BCL2L12: variants seen among roughly 807,000 people sequenced by gnomAD.
The protein encoded by BCL2L12 is bcl-2-like protein 12.
A neutral mutation model predicts 25.7 loss-of-function variants in BCL2L12; 27 were observed. The ratio of observed to expected loss-of-function variants is 1.05; its 90% CI spans 0.78 to 1.45. The LOEUF is 1.45. Among genes scored for constraint, BCL2L12 ranks in the 40% most tolerant of loss-of-function variants. The pLI, the probability that BCL2L12 is intolerant of heterozygous loss-of-function variation, is 0.00. For synonymous variants in BCL2L12, 132 were observed against 145.6 expected (o/e 0.91, Z 0.67); for missense variants, 302 against 329.8 (o/e 0.92, Z 0.65).
rs773270468 is a variant in BCL2L12, at chr19:49,673,704, A to G, written c.709A>G (p.Ile237Val). 68 of 1,613,978 alleles carry G rather than the reference A, an allele frequency of 4.2e-5. No homozygotes were observed. The highest frequency in any genetic ancestry group is 5.8e-5 in the Non-Finnish European group (68 of 1,179,904). The change falls in exon 7 of 7, where the codon ATC becomes GTC. Residue 237 changes from isoleucine (I) to valine (V), a missense_variant. Coordinates refer to ENST00000246784, the MANE Select transcript of BCL2L12 (RefSeq NM_138639.2). ...TGCCACTTTTCCCTTCCAGGAGGGC[A>G]TCCTGGCTGTTTCACCCGTGGACTT... ...WIQAHGGWEG[I>V]LAVSPVDLNL...
chr19:49,666,623 T>C, intron 1 of BCL2L12, 62 bp from the exon 2 acceptor site: 1 of 1,309,492 alleles, frequency 7.6e-7, no homozygotes, highest in South Asian at 1.4e-5. Flanking sequence ...CAAGTCCTGG[T>C]CCCCAAGCCT....
intron 6 of BCL2L12, 125 bp from the exon 7 acceptor site, chr19:49,673,573 T>G: frequency 1.3e-6 from 1 of 785,118 alleles, no homozygotes; most frequent in South Asian, 1.5e-5. Context: ...TGTCTGGGTG[T>G]CTGTCACCCT....
At chr19:49,665,724 TC>T, upstream of BCL2L12, 2 of 1,461,162 alleles carry the variant, frequency 1.4e-6, no homozygotes, top group South Asian at 1.4e-5. Context: ...GCACCCCCTT[TC>T]CCGTCAGCTG....
chr19:49,670,555 G>A (rs981674742), intron 6 of BCL2L12, 67 bp downstream of exon 6: 25 of 1,505,368 alleles, frequency 1.7e-5, no homozygotes, highest in South Asian at 1.3e-5. Flanking sequence ...GAGGAGGGGC[G>A]GGGACTTCTT....
In BCL2L12 at chr19:49,670,217, T is replaced by A; in HGVS notation, c.431T>A (p.Leu144Gln). Residue 144 changes from leucine (L) to glutamine (Q), a missense_variant and splice_region_variant, in exon 6 of 7, where the codon CTG becomes CAG. By Grantham distance (113) the Leu-to-Gln change is moderately radical (BLOSUM62 -2). Transcript: ENST00000246784. ...GACCCTGCCTCTTCCACCCTACAGC[T>A]GGCCTCGGACCCCGCCCTGCGCAGC... ...EEEAEVINQK[L>Q]ASDPALRSKL... 1.2e-6 allele frequency: 2 copies of A among 1,604,020 alleles called. No homozygotes were observed. Among genetic ancestry groups the A allele is most frequent in the South Asian group, 1.1e-5 (1 of 90,826 alleles).
intron 5 of BCL2L12, 178 bp downstream of exon 5, chr19:49,669,293 T>G: frequency 7.8e-7 from 1 of 1,278,768 alleles, no homozygotes; most frequent in Non-Finnish European, 1.0e-6. Context: ...CCCAGCACTT[T>G]GGGAGGCCGA....
chr19:49,670,511 T>C (rs1333174690), intron 6 of BCL2L12, 23 bp downstream of exon 6: 11 of 1,534,216 alleles, frequency 7.2e-6, no homozygotes, highest in Middle Eastern at 4.6e-4. Flanking sequence ...AGCCTCTCTC[T>C]CCGGGCCTCA....
chr19:49,667,021 G>T lies in BCL2L12; in HGVS notation c.110G>T (p.Ser37Ile), dbSNP rs1177883682. 1 of 1,613,284 alleles carries T rather than the reference G, an allele frequency of 6.2e-7. No individual in the cohort carries two copies. The highest frequency in any genetic ancestry group is 8.5e-7 in the Non-Finnish European group (1 of 1,179,782). ...GTCTCTGAAGTCCTCCTCTCCAGAAGCCCTGCCCAAGAAGAGCCAACAGAC... is the reference window on the plus strand; with the variant it reads ...GTCTCTGAAGTCCTCCTCTCCAGAATCCCTGCCCAAGAAGAGCCAACAGAC... ...AGSPVPTPPR[S>I]PAQEEPTDFL... Residue 37 changes from serine to isoleucine, a missense_variant and splice_region_variant, in exon 3 of 7, where the codon AGC becomes ATC. Ser to Ile is a moderately radical substitution (Grantham distance 142, BLOSUM62 -2). Coordinates refer to ENST00000246784, the MANE Select transcript of BCL2L12 (RefSeq NM_138639.2).
upstream of BCL2L12, chr19:49,665,738 C>T: frequency 6.6e-7 from 1 of 1,504,564 alleles, no homozygotes; most frequent in Non-Finnish European, 8.9e-7. Flanking sequence ...GTCAGCTGAG[C>T]TCTAGAGCGC....
chr19:49,669,722 T>G (rs1599917550), intron 5 of BCL2L12, among the ~76,000 whole-genome samples: 2 of 147,388 alleles, frequency 1.4e-5, no homozygotes, highest in East Asian at 2.0e-4. Flanking sequence ...AATGTGGGGG[T>G]GGGGGGAGTG....
chr19:49,668,139 A>AGGCTGGAG (rs1222456319), intron 3 of BCL2L12, among the ~76,000 whole-genome samples: 1 of 128,816 alleles, frequency 7.8e-6, no homozygotes, highest in Non-Finnish European at 1.6e-5. Context: ...CTTGTTGCCC[A>AGGCTGGAG]GGCTGGAGTG....
At chr19:49,667,304 A>G (rs1289422287) in intron 3 of BCL2L12, 143 bp downstream of exon 3, 10 of 1,218,350 alleles carry the variant, frequency 8.2e-6, no homozygotes, top group South Asian at 1.6e-5. Flanking sequence ...TCCCCTCCCC[A>G]GTTAGATTTC....
Position 49,672,891 on chromosome 19 carries a change from G to C in BCL2L12, c.703-807G>C, listed in dbSNP as rs991183525. Among the ~76,000 whole-genome samples, 1 of 152,110 alleles carries C rather than the reference G, an allele frequency of 6.6e-6. No homozygotes were observed. Among genetic ancestry groups the C allele is most frequent in the Admixed American group, 6.6e-5 (1 of 15,264 alleles). ...TTTATTTTATTTTAATTTTTCAGAT[G>C]GAGTCTCACTCTATTGCCCAGACTG... On this transcript the variant is annotated intron_variant, in intron 6 of 6. Coordinates refer to ENST00000246784, the MANE Select transcript of BCL2L12 (RefSeq NM_138639.2). The surrounding 1 kb of genome is among the most constrained non-coding windows in gnomAD (Gnocchi z 4.1).
Position 49,668,853 on chromosome 19 carries a change from C to T in BCL2L12, c.253C>T (p.Pro85Ser). 1 of 1,612,392 alleles carries T rather than the reference C, an allele frequency of 6.2e-7. No homozygotes were observed. Among genetic ancestry groups the T allele is most frequent in the Non-Finnish European group, 8.5e-7 (1 of 1,179,770 alleles). ...GTCATTAACTCTTTTCACCCCAGGC[C>T]CAGCTACTCCAGACTTCTATGCTTT... ...IRPCYGLEPG[P>S]ATPDFYALVA... The change falls in exon 4 of 7, where the codon CCA becomes TCA. Residue 85 changes from proline to serine, a missense_variant and splice_region_variant. Transcript: ENST00000246784.
rs1371294911 is a variant in BCL2L12 at position 49,668,836 on chromosome 19, C to T, written c.251-15C>T. ...CAATGTCCTGGAAACCTGTCATTAA[C>T]TCTTTTCACCCCAGGCCCAGCTACT... On this transcript the variant is annotated splice_polypyrimidine_tract_variant and intron_variant, in intron 3 of 6. Coordinates refer to ENST00000246784, the MANE Select transcript of BCL2L12 (RefSeq NM_138639.2). The T allele has an allele frequency of 4.4e-6, 7 of 1,609,024 alleles. No individual in the cohort carries two copies. Among genetic ancestry groups the T allele is most frequent in the African/African-American group, 4.0e-5 (3 of 74,786 alleles).
intron 6 of BCL2L12, among the ~76,000 whole-genome samples, chr19:49,671,350 G>A (rs2081958179): frequency 6.6e-6 from 1 of 151,978 alleles, no homozygotes. Context: ...GGAGGCTGAG[G>A]CAAGAGAATT....
chr19:49,673,694 C>T lies in BCL2L12; in HGVS notation c.703-4C>T, dbSNP rs77126515. On this transcript the variant is annotated splice_polypyrimidine_tract_variant and splice_region_variant and intron_variant, in intron 6 of 6. Coordinates refer to ENST00000246784, the MANE Select transcript of BCL2L12 (RefSeq NM_138639.2). ...CACAGGGCTCTGCCACTTTTCCCTTCCAGGAGGGCATCCTGGCTGTTTCAC... is the reference window on the plus strand; with the variant it reads ...CACAGGGCTCTGCCACTTTTCCCTTTCAGGAGGGCATCCTGGCTGTTTCAC... The T allele has an allele frequency of 2.3e-3, 3,683 of 1,613,822 alleles. 67 individuals carry two copies. The African/African-American group carries it at 0.043, about 19-fold the overall frequency.
Position 49,666,792 on chromosome 19 carries a change from C to A in BCL2L12, c.100C>A (p.Pro34Thr). ...GGCTGCCGGGTCTCCTGTTCCAACT[C>A]CACCTAGGTAAGAGGAGTGGCCCTT... ...GEAAGSPVPT[P>T]PRSPAQEEPT... Residue 34 changes from proline to threonine, a missense_variant, in exon 2 of 7, where the codon CCA becomes ACA. Pro to Thr is a conservative substitution (Grantham distance 38). Transcript: ENST00000246784. 1 of 1,557,526 alleles carries A rather than the reference C, an allele frequency of 6.4e-7. No homozygotes were observed. Among genetic ancestry groups the A allele is most frequent in the Non-Finnish European group, 8.7e-7 (1 of 1,149,924 alleles).
rs1375781089 is a variant in BCL2L12 at position 49,666,751 on chromosome 19, T to G, written c.59T>G (p.Phe20Cys). 6.4e-7 allele frequency: 1 copy of G among 1,560,344 alleles called. No homozygotes were observed. The change falls in exon 2 of 7, where the codon TTC becomes TGC. Residue 20 changes from phenylalanine to cysteine, a missense_variant. By Grantham distance (205) the Phe-to-Cys change is radical. Coordinates refer to ENST00000246784, the MANE Select transcript of BCL2L12 (RefSeq NM_138639.2). ...GACACGCTGAGGGTCCTAGCTGCCT[T>G]CCTTAGGCGTGGTGAGGCTGCCGGG... ...REDTLRVLAAFLRRGEAAGSP... is the reference protein window; with the variant it reads ...REDTLRVLAACLRRGEAAGSP...
Sources: gnomAD v4.1 joint callset for allele counts (sites outside exome capture counted in the v4.1 genomes callset) on GRCh38, gnomAD v4.1.1 for gene constraint, Gnocchi (gnomAD v3.1) non-coding constraint, MANE v1.5 for transcripts, NCBI Gene and HGNC (gene_info 2026-07-23, HGNC 2026-07-21) for gene names.